The following ASTN2 variants were observed in gnomAD, a reference collection of about 807,000 sequenced individuals.
The protein encoded by ASTN2 is astrotactin 2, also known as astrotactin-2.
In ASTN2, 54 loss-of-function variants were observed where a neutral mutation model predicts 139.8. The ratio of observed to expected loss-of-function variants is 0.39; its 90% CI spans 0.31 to 0.48. ASTN2 has a LOEUF of 0.48. Ranked by LOEUF, ASTN2 falls within the 20% of genes least tolerant of loss-of-function variation. The probability of loss-of-function intolerance (pLI) is 0.95; values close to 1 mark genes in which losing one functional copy is unlikely to be tolerated. For synonymous variants in ASTN2, 756 were observed against 719.5 expected, an observed-to-expected ratio of 1.05 and a Z score of -0.81; for missense variants, 1,565 against 1,725.1, an observed-to-expected ratio of 0.91 and a Z score of 1.64.
chr9:117,326,449 G>A (rs1828522181), intron 1 of ASTN2, among the ~76,000 whole-genome samples: 2 of 152,060 alleles, frequency 1.3e-5, no homozygotes, highest in Non-Finnish European at 2.9e-5. Flanking sequence ...AAAAAAAACA[G>A]GCATATAAAT....
chr9:116,893,269 CT>C (rs1460266964), intron 10 of ASTN2, among the ~76,000 whole-genome samples: 4 of 151,994 alleles, frequency 2.6e-5, no homozygotes, highest in Non-Finnish European at 5.9e-5. Context: ...TTTCAGGACA[CT>C]TTTTTGTTTC....
intron 3 of ASTN2, among the ~76,000 whole-genome samples, chr9:117,201,704 CTGTT>C (rs1253318127): frequency 2.8e-4 from 43 of 152,192 alleles, no homozygotes; most frequent in African/African-American, 1.0e-3. Context: ...GTGAGAGAGA[CTGTT>C]TGTTATGATT....
At chr9:116,785,835 T>C (rs568452271) in intron 13 of ASTN2, among the ~76,000 whole-genome samples, 1 of 152,334 alleles carries the variant, frequency 6.6e-6, no homozygotes, top group South Asian at 2.1e-4. Context: ...CTGCTTTCCC[T>C]GATTTCACCC....
chr9:117,003,559 A>C (rs1837256445), intron 7 of ASTN2, among the ~76,000 whole-genome samples: 1 of 2,294 alleles, frequency 4.4e-4, no homozygotes, highest in African/African-American at 7.2e-4. Flanking sequence ...GTGTGTATTT[A>C]AATCTAGAGG....
At chr9:117,197,970 T>C (rs1230313808) in intron 3 of ASTN2, among the ~76,000 whole-genome samples, 1 of 149,628 alleles carries the variant, frequency 6.7e-6, no homozygotes, top group African/African-American at 2.4e-5. Context: ...TAATGTATCT[T>C]TTTCTTCTGG....
At chr9:116,542,479 GA>G (rs1163761974) in intron 19 of ASTN2, among the ~76,000 whole-genome samples, 2 of 151,698 alleles carry the variant, frequency 1.3e-5, no homozygotes, top group Non-Finnish European at 2.9e-5. Context: ...AAGGGTATTA[GA>G]AAAAAATATA....
Position 117,149,421 on chromosome 9 carries a change from G to T in ASTN2, c.1016-7943C>A, listed in dbSNP as rs111788059. Among the ~76,000 whole-genome samples, 788 of 152,106 alleles carry T rather than the reference G, an allele frequency of 5.2e-3. 3 individuals are homozygous for T. The highest frequency in any genetic ancestry group is 8.9e-3 in the Non-Finnish European group (602 of 67,976). ...AATAGGGTGTTGTGTGTGTTTGTGT[G>T]TGTGTGTGTGTTTGTGTGTGTGTGT... On this transcript the variant is annotated intron_variant, in intron 3 of 22. Transcript: ENST00000313400.
At chr9:117,397,132 G>A (rs1349586882) in intron 1 of ASTN2, among the ~76,000 whole-genome samples, 5 of 151,694 alleles carry the variant, frequency 3.3e-5, no homozygotes, top group South Asian at 4.2e-4. Context: ...TAATAGAGAC[G>A]GTGTTTCACC....
At chr9:116,593,950 C>A (rs1183866365) in intron 19 of ASTN2, among the ~76,000 whole-genome samples, 2 of 152,180 alleles carry the variant, frequency 1.3e-5, no homozygotes, top group Non-Finnish European at 2.9e-5. Flanking sequence ...TGGACAGTTC[C>A]AATGTGAGTT....
At chr9:117,014,350 C>T (rs1275466284) in intron 6 of ASTN2, among the ~76,000 whole-genome samples, 1 of 152,072 alleles carries the variant, frequency 6.6e-6, no homozygotes, top group East Asian at 1.9e-4. Context: ...TAAAAACAAG[C>T]TTGAGGGTTT....
chr9:117,122,845 C>G (rs565050084), intron 4 of ASTN2, among the ~76,000 whole-genome samples: 2,382 of 152,204 alleles, frequency 0.016, 56 homozygotes, highest in African/African-American at 0.055. Flanking sequence ...GTGCTCCATG[C>G]GAAACATGTC....
chr9:117,252,577 T>G (rs1462803837), intron 2 of ASTN2, among the ~76,000 whole-genome samples: 5 of 152,188 alleles, frequency 3.3e-5, no homozygotes, highest in African/African-American at 1.2e-4. Flanking sequence ...ACAAGGTCAT[T>G]AAATTAAAAA....
At chr9:117,053,873 G>A (rs1434564013) in intron 5 of ASTN2, among the ~76,000 whole-genome samples, 1 of 152,126 alleles carries the variant, frequency 6.6e-6, no homozygotes, top group African/African-American at 2.4e-5. Context: ...AAATCAAGGG[G>A]TCTTTTGTTT....
chr9:117,024,384 C>T (rs1186697255), intron 6 of ASTN2, among the ~76,000 whole-genome samples: 14 of 151,546 alleles, frequency 9.2e-5, no homozygotes, highest in South Asian at 2.1e-4. Context: ...ATTACAGGAA[C>T]GGTATTAGAT....
rs758305465 is a variant in ASTN2, at chr9:117,414,534, G to C, written c.405C>G (p.Asp135Glu). The stretch of plus-strand genomic sequence containing the variant: ...AGGGCAGCTCGGTGTTGTCCAGGTC[G>C]TCCTGCACCGCGATGCGCCCCGGCA... The part of the protein sequence containing the change: ...NELPGRIAVQ[D>E]DLDNTELPFF... The change falls in exon 1 of 23, where the codon GAC (aspartate) becomes GAG (glutamate). Residue 135 changes from aspartate to glutamate, a missense_variant. Coordinates refer to ENST00000313400, the MANE Select transcript of ASTN2 (RefSeq NM_001365068.1). This position sits in a 1 kb window ranked among gnomAD's most constrained non-coding sequence, Gnocchi z 4.2. The C allele has an allele frequency of 6.2e-7, 1 of 1,607,004 alleles. No individual in the cohort carries two copies. The highest frequency in any genetic ancestry group is 8.5e-7 in the Non-Finnish European group (1 of 1,177,364).
intron 13 of ASTN2, among the ~76,000 whole-genome samples, chr9:116,772,269 G>T (rs1829971773): frequency 6.6e-6 from 1 of 152,150 alleles, no homozygotes; most frequent in South Asian, 2.1e-4. Context: ...AATTATGGGG[G>T]TGGGTGTTTC....
At chr9:117,014,516 C>A (rs1010912647) in intron 6 of ASTN2, among the ~76,000 whole-genome samples, 1 of 152,122 alleles carries the variant, frequency 6.6e-6, no homozygotes, top group Non-Finnish European at 1.5e-5. Context: ...CCTTCCACTC[C>A]CAGCTCTTTC....
chr9:117,118,646 C>A (rs1219633692), intron 4 of ASTN2, among the ~76,000 whole-genome samples: 1 of 152,182 alleles, frequency 6.6e-6, no homozygotes, highest in East Asian at 1.9e-4. Context: ...TGCTCATCAG[C>A]TGTAAAACAA....
At chr9:117,182,454 A>G (rs1023235944) in intron 3 of ASTN2, among the ~76,000 whole-genome samples, 13 of 152,188 alleles carry the variant, frequency 8.5e-5, no homozygotes, top group Non-Finnish European at 5.9e-5. Flanking sequence ...CAGGAGACAC[A>G]GGAGATATTA....
Sources: allele counts gnomAD v4.1 joint callset (sites outside exome capture counted in the v4.1 genomes callset), GRCh38; gene constraint gnomAD v4.1.1; non-coding constraint Gnocchi (gnomAD v3.1); transcripts MANE v1.5; gene names NCBI Gene and HGNC (gene_info 2026-07-23, HGNC 2026-07-21).